Variants in TBL1X observed in about 807,000 individuals in gnomAD.
TBL1X encodes transducin beta like 1 X-linked, also known as F-box-like/WD repeat-containing protein TBL1X.
In TBL1X, 10 loss-of-function variants were observed where a neutral mutation model predicts 50.7. The ratio of observed to expected loss-of-function variants is 0.20; its 90% confidence interval spans 0.12 to 0.33. TBL1X has a LOEUF of 0.33. TBL1X is among the 10% of genes least tolerant of loss of function. The pLI is 1.00. For missense variants in TBL1X, 340 were observed against 504.4 expected (o/e 0.67, Z 3.12); for synonymous variants, 190 against 214.7 (o/e 0.88, Z 1.01).
intron 6 of TBL1X, among the ~76,000 whole-genome samples, chrX:9,685,385 G>A (rs1175154298): frequency 9.0e-6 from 1 of 111,519 alleles, no homozygotes; most frequent in East Asian, 2.8e-4. Context: ...CGACCTCCTG[G>A]GCTCAAGTGA....
intron 6 of TBL1X, among the ~76,000 whole-genome samples, chrX:9,684,598 T>TTAAAAAAAAAA (rs746186550): frequency 5.3e-4 from 27 of 51,275 alleles, no homozygotes; most frequent in African/African-American, 2.0e-3. Context: ...TCTCTAAAAT[T>TTAAAAAAAAAA]AAAAAAAAAA....
intron 2 of TBL1X, among the ~76,000 whole-genome samples, chrX:9,551,323 C>T (rs942367474): frequency 2.8e-5 from 3 of 108,873 alleles, no homozygotes; most frequent in Non-Finnish European, 3.8e-5. Flanking sequence ...GTCAAGGCCT[C>T]GCATGGGGTA....
At chrX:9,661,891 G>A (rs1168181337) in intron 5 of TBL1X, among the ~76,000 whole-genome samples, 2 of 111,122 alleles carry the variant, frequency 1.8e-5, no homozygotes, top group African/African-American at 6.6e-5. Context: ...CTCTGAAAAA[G>A]CACCAGGTGT....
chrX:9,690,927 T>C (rs753024001), intron 7 of TBL1X, among the ~76,000 whole-genome samples: 76 of 110,799 alleles, frequency 6.9e-4, no homozygotes, highest in Admixed American at 6.8e-3. Context: ...GTTGTTTTTA[T>C]AGAGATGGGG....
chrX:9,463,816 C>T (rs562236816), upstream of TBL1X, among the ~76,000 whole-genome samples: 1 of 112,305 alleles, frequency 8.9e-6, no homozygotes, highest in Non-Finnish European at 1.9e-5. Context: ...ATTGCTTGAA[C>T]CAGGGTGGTG....
At chrX:9,518,278 C>G (rs777436681) in intron 2 of TBL1X, among the ~76,000 whole-genome samples, 1 of 111,453 alleles carries the variant, frequency 9.0e-6, no homozygotes, top group Non-Finnish European at 1.9e-5. Context: ...GTCTGTCTTG[C>G]GAAGCCTAAG....
intron 2 of TBL1X, among the ~76,000 whole-genome samples, chrX:9,622,159 AT>A (rs774586354): frequency 1.3e-4 from 14 of 108,669 alleles, no homozygotes; most frequent in Non-Finnish European, 2.5e-4. Context: ...TTCAATTTTC[AT>A]TGCAATTTTG....
chrX:9,688,293 G>A lies in TBL1X; in HGVS notation c.616+18G>A. The A allele has an allele frequency of 5.3e-6, 6 of 1,131,231 alleles. No homozygotes were observed. The highest frequency in any genetic ancestry group is 5.9e-6 in the Non-Finnish European group (5 of 850,481). 93.2% of individuals were successfully genotyped at this position (1,131,231 alleles called of 1,213,427 possible). On this transcript the variant is annotated intron_variant, in intron 7 of 17. Transcript: ENST00000645353. ...TTCAGTCAGTGAGTGCAGGGGCTCTGGGAGTTCGGTGGGCCTCTCTGGGTT... is the reference window on the plus strand; with the variant it reads ...TTCAGTCAGTGAGTGCAGGGGCTCTAGGAGTTCGGTGGGCCTCTCTGGGTT...
intron 2 of TBL1X, among the ~76,000 whole-genome samples, chrX:9,575,129 C>T (rs1276326384): frequency 9.0e-6 from 1 of 111,457 alleles, no homozygotes; most frequent in Admixed American, 9.5e-5. Context: ...GGAGGCAAGA[C>T]ACATCTTACC....
chrX:9,610,260 C>T (rs1178263760), intron 2 of TBL1X, among the ~76,000 whole-genome samples: 2 of 112,644 alleles, frequency 1.8e-5, no homozygotes, highest in East Asian at 2.8e-4. Context: ...TGCTCCTCTC[C>T]TGTTTCCTGG....
intron 1 of TBL1X, among the ~76,000 whole-genome samples, chrX:9,499,278 CT>C (rs1206606661): frequency 2.1e-4 from 24 of 112,054 alleles, no homozygotes; most frequent in Admixed American, 6.6e-4. Flanking sequence ...GTCACCACCC[CT>C]GTCCATTGCA....
intron 2 of TBL1X, among the ~76,000 whole-genome samples, chrX:9,523,401 C>T (rs1029037754): frequency 8.9e-6 from 1 of 111,854 alleles, no homozygotes; most frequent in African/African-American, 3.3e-5. Context: ...GGCAGCATTA[C>T]CCACACTGGG....
intron 2 of TBL1X, among the ~76,000 whole-genome samples, chrX:9,569,737 G>A (rs190914021): frequency 8.9e-6 from 1 of 112,278 alleles, no homozygotes; most frequent in East Asian, 2.8e-4. Flanking sequence ...TGAAATCTAA[G>A]CACATACATA....
At chrX:9,674,220 C>T (rs182723279) in intron 5 of TBL1X, among the ~76,000 whole-genome samples, 91 of 111,792 alleles carry the variant, frequency 8.1e-4, no homozygotes, top group Non-Finnish European at 9.8e-4. Flanking sequence ...CAATGAGCAG[C>T]GCAGCAGAGA....
intron 2 of TBL1X, among the ~76,000 whole-genome samples, chrX:9,619,852 A>G (rs754594030): frequency 2.7e-5 from 3 of 111,803 alleles, no homozygotes; most frequent in East Asian, 5.7e-4. Context: ...CACGTCACCT[A>G]CCTGAGCTGC....
In TBL1X at chrX:9,693,080, CTCCGAG is replaced by C; in HGVS notation, c.892-68_892-63del. The C allele has an allele frequency of 2.7e-6, 3 of 1,131,290 alleles. No individual in the cohort carries two copies. In the South Asian group the frequency reaches 5.5e-5, roughly 21 times the overall value. The allele number at this position is 1,131,290 out of a possible 1,213,427, so 93.2% of individuals were successfully genotyped here. A position where few individuals can be genotyped will look rare whatever the true frequency, so the allele number is the denominator to read the frequency against. On this transcript the variant is annotated intron_variant, in intron 9 of 17. Transcript: ENST00000645353. The stretch of plus-strand genomic sequence containing the variant: ...GTGTACCTGGATCCTCGGAGAGGCT[CTCCGAG>C]CTGCTTCGGTGCTGCCGCTCCTAAG...
chrX:9,538,472 T>C (rs2082199822), intron 2 of TBL1X, among the ~76,000 whole-genome samples: 1 of 112,190 alleles, frequency 8.9e-6, no homozygotes, highest in African/African-American at 3.2e-5. Context: ...AGTTTTTATG[T>C]GCGCTATCCT....
intron 5 of TBL1X, among the ~76,000 whole-genome samples, chrX:9,661,790 C>A (rs1191928894): frequency 9.0e-6 from 1 of 111,261 alleles, no homozygotes; most frequent in South Asian, 3.9e-4. Context: ...TGGCGTGGGT[C>A]TCGGTTAGAG....
At chrX:9,693,468 A>G in intron 11 of TBL1X, 49 bp downstream of exon 11, 1 of 1,080,728 alleles carries the variant, frequency 9.3e-7, no homozygotes, top group Non-Finnish European at 1.3e-6. Context: ...GTGGTTATAT[A>G]TTTTTAATCT....
Sources: gnomAD v4.1 joint callset for allele counts (sites outside exome capture counted in the v4.1 genomes callset) on GRCh38, gnomAD v4.1.1 for gene constraint, MANE v1.5 for transcripts, NCBI Gene and HGNC (gene_info 2026-07-23, HGNC 2026-07-21) for gene names.